The following LGMN variants were observed in gnomAD, a reference collection of about 807,000 sequenced individuals.
The protein encoded by LGMN is legumain.
In LGMN, 36 loss-of-function variants were observed where a neutral mutation model predicts 56.8. The ratio of observed to expected loss-of-function variants is 0.63; its 90% CI spans 0.49 to 0.84. The LOEUF is 0.84. Among genes scored for constraint, LGMN ranks in the 40% least tolerant of loss-of-function variants. LGMN has a pLI of 0.00. For missense variants in LGMN, 446 were observed against 556.1 expected, an observed-to-expected ratio of 0.80 and a Z score of 1.99; for synonymous variants, 199 against 210.1, an observed-to-expected ratio of 0.95 and a Z score of 0.46.
At position 92,714,561 on chromosome 14, in the gene LGMN, C is replaced by T; in HGVS notation, c.405-110G>A. 1.3e-6 allele frequency: 1 copy of T among 760,224 alleles called. No homozygotes were observed. Among genetic ancestry groups the T allele is most frequent in the Non-Finnish European group, 2.2e-6 (1 of 461,106 alleles). The allele number at this position is 760,224 out of a possible 1,614,324, so 47.1% of individuals were successfully genotyped here. On this transcript the variant is annotated intron_variant, in intron 5 of 13. Transcript: ENST00000334869. This position sits in a 1 kb window ranked among gnomAD's most constrained non-coding sequence, Gnocchi z 5.1. ...TAAGAAGTTTGGGGAGTAGAGTTGC[C>T]CAACCAGGTTTGAAGATGAACACAA...
At chr14:92,746,109 C>G (rs1353693625) in intron 1 of LGMN, among the ~76,000 whole-genome samples, 2 of 152,232 alleles carry the variant, frequency 1.3e-5, no homozygotes, top group African/African-American at 4.8e-5. Context: ...GCACGAGCCA[C>G]CGCGCCCAGC....
At chr14:92,717,624 T>C (rs1006141452) in intron 3 of LGMN, among the ~76,000 whole-genome samples, 163 bp from the exon 4 acceptor site, 1 of 152,188 alleles carries the variant, frequency 6.6e-6, no homozygotes, top group Non-Finnish European at 1.5e-5. Context: ...TTGAGCAGCT[T>C]GGGGATCTCA....
chr14:92,721,700 G>A (rs1890487880), intron 2 of LGMN, among the ~76,000 whole-genome samples: 1 of 152,134 alleles, frequency 6.6e-6, no homozygotes, highest in Admixed American at 6.5e-5. Flanking sequence ...AGTGTTCACA[G>A]CATCACTTTA....
intron 7 of LGMN, among the ~76,000 whole-genome samples, 193 bp downstream of exon 7, chr14:92,713,630 A>G (rs1336705305): frequency 6.6e-6 from 1 of 152,162 alleles, no homozygotes; most frequent in African/African-American, 2.4e-5. Flanking sequence ...CACTGTTTTA[A>G]CAAGCTCTCC....
Position 92,714,899 on chromosome 14 carries a change from C to T in LGMN, c.405-448G>A, listed in dbSNP as rs551157039. ...TGCCCACCTACCTGCCTCACCAGGG[C>T]TTCCACCAGATGGCGCTGCTTCAAA... On this transcript the variant is annotated intron_variant, in intron 5 of 13. Coordinates refer to ENST00000334869, the MANE Select transcript of LGMN (RefSeq NM_005606.7). This position sits in a 1 kb window ranked among gnomAD's most constrained non-coding sequence, Gnocchi z 5.1. Among the ~76,000 whole-genome samples, 5 of 152,178 alleles carry T rather than the reference C, an allele frequency of 3.3e-5. No individual in the cohort carries two copies. The highest frequency in any genetic ancestry group is 3.3e-4 in the Admixed American group (5 of 15,278).
intron 10 of LGMN, 141 bp downstream of exon 10, chr14:92,711,518 G>T: frequency 1.3e-6 from 1 of 774,440 alleles, no homozygotes; most frequent in Non-Finnish European, 2.2e-6. Flanking sequence ...CCAGGATGGA[G>T]TGGCATGAGA....
In LGMN at chr14:92,718,641, T is replaced by C. The variant is rs1284268766; in HGVS notation, c.236+106A>G. ...CTGTGATCTTCTGTCTGGGAGTCTC[T>C]TATATATTTTAACATTAGGCCACTA... On this transcript the variant is annotated intron_variant, in intron 3 of 13. Transcript: ENST00000334869. 4 of 665,156 alleles carry C rather than the reference T, an allele frequency of 6.0e-6. No individual in the cohort carries two copies. In the East Asian group the frequency reaches 7.9e-5, roughly 13 times the overall value. 41.2% of individuals were successfully genotyped at this position (665,156 alleles called of 1,614,324 possible).
chr14:92,742,303 T>TTTTTTTTTTTTTTTTTA lies in LGMN; in HGVS notation c.-30+6185_-30+6186insTAAAAAAAAAAAAAAAA, dbSNP rs1891596802. ...TGTTTTTTGTTTTGCTTTTTTTTTT[T>TTTTTTTTTTTTTTTTTA]TTCTTTTTTTTTGAGACAGAGTCTC... On this transcript the variant is annotated intron_variant, in intron 1 of 13. Transcript: ENST00000334869. Among the ~76,000 whole-genome samples the TTTTTTTTTTTTTTTTTA allele has an allele frequency of 1.8e-5, 2 of 111,644 alleles. 1 individual carries two copies. The highest frequency in any genetic ancestry group is 8.3e-5 in the African/African-American group (2 of 23,956). 73.2% of individuals were successfully genotyped at this position (111,644 alleles called of 152,430 possible).
chr14:92,716,069 G>T, intron 5 of LGMN, 67 bp downstream of exon 5: 2 of 1,076,834 alleles, frequency 1.9e-6, no homozygotes, highest in Non-Finnish European at 1.4e-6. Flanking sequence ...AACAACACCT[G>T]TTTCAATTCT....
intron 2 of LGMN, among the ~76,000 whole-genome samples, chr14:92,730,497 G>A (rs567406772): frequency 2.6e-4 from 39 of 152,234 alleles, no homozygotes; most frequent in Non-Finnish European, 3.5e-4. Context: ...TGCGATAATA[G>A]CTCACGGCAG....
At position 92,712,053 on chromosome 14, in the gene LGMN, GC is replaced by G. The variant is rs1202754061; in HGVS notation, c.611-99del. Reference sequence around the variant, plus strand: ...TTCTTTCTCCCCCGGTGAAATCGAAGCATGCTACTTATGATCCACACAGGAG... The same window carrying G: ...TTCTTTCTCCCCCGGTGAAATCGAAGATGCTACTTATGATCCACACAGGAG... On this transcript the variant is annotated intron_variant, in intron 8 of 13. Transcript: ENST00000334869. 2.2e-5 allele frequency: 20 copies of G among 924,234 alleles called. No homozygotes were observed. In the African/African-American group the frequency reaches 3.1e-4, roughly 14 times the overall value. 57.3% of individuals were successfully genotyped at this position (924,234 alleles called of 1,614,324 possible).
At chr14:92,747,292 A>G (rs1891863166) in intron 1 of LGMN, among the ~76,000 whole-genome samples, 1 of 151,946 alleles carries the variant, frequency 6.6e-6, no homozygotes, top group South Asian at 2.1e-4. Context: ...GGAGTTCGAG[A>G]CCAGTCTGGC....
At chr14:92,738,642 A>T (rs1354638548) in intron 1 of LGMN, among the ~76,000 whole-genome samples, 1 of 151,930 alleles carries the variant, frequency 6.6e-6, no homozygotes, top group Admixed American at 6.6e-5. Flanking sequence ...CTTTTTTCTT[A>T]TAAACACAGA....
chr14:92,728,503 A>C (rs1338094767), intron 2 of LGMN, among the ~76,000 whole-genome samples: 2 of 152,202 alleles, frequency 1.3e-5, no homozygotes, highest in African/African-American at 4.8e-5. Context: ...AAAGTACAGT[A>C]AAAATATGCT....
chr14:92,730,106 G>A (rs1350311533), intron 2 of LGMN, among the ~76,000 whole-genome samples: 2 of 152,120 alleles, frequency 1.3e-5, no homozygotes, highest in East Asian at 1.9e-4. Context: ...ATGAGTAATC[G>A]TGTTAACTCT....
chr14:92,741,258 G>A (rs1386906745), intron 1 of LGMN: 3 of 151,906 alleles, frequency 2.0e-5, no homozygotes, highest in Non-Finnish European at 4.4e-5. Flanking sequence ...TAATCCATTT[G>A]AGAAGTTTGG....
chr14:92,738,013 C>A (rs962084100), intron 1 of LGMN, among the ~76,000 whole-genome samples: 6 of 152,090 alleles, frequency 3.9e-5, no homozygotes, highest in African/African-American at 1.2e-4. Context: ...TCTCAAAGAG[C>A]GTCATTCCTC....
At chr14:92,722,076 C>T in intron 2 of LGMN, among the ~76,000 whole-genome samples, 1 of 151,862 alleles carries the variant, frequency 6.6e-6, no homozygotes, top group East Asian at 1.9e-4. Context: ...TACAGCAAAA[C>T]TATAAAGCAA....
intron 3 of LGMN, 132 bp from the exon 4 acceptor site, chr14:92,717,593 G>A (rs956776828): frequency 1.6e-5 from 10 of 618,494 alleles, no homozygotes; most frequent in Non-Finnish European, 2.9e-5. Flanking sequence ...TGGCCTGCAG[G>A]GTGGCCAACG....
Sources: allele counts gnomAD v4.1 joint callset (sites outside exome capture counted in the v4.1 genomes callset), GRCh38; gene constraint gnomAD v4.1.1; non-coding constraint Gnocchi (gnomAD v3.1); transcripts MANE v1.5; gene names NCBI Gene and HGNC (gene_info 2026-07-23, HGNC 2026-07-21).